The following LARP1B variants were observed in gnomAD, a reference collection of about 807,000 sequenced individuals.
LARP1B encodes the protein la-related protein 1B.
Under a neutral mutation model 114.2 loss-of-function variants are expected in LARP1B, and 76 were observed. The ratio of observed to expected loss-of-function variants is 0.67; its 90% CI spans 0.55 to 0.81. LARP1B has a LOEUF of 0.81. Ranked by LOEUF, LARP1B falls within the 30% of genes least tolerant of loss-of-function variation. LARP1B has a pLI of 0.00. For synonymous variants in LARP1B, 345 were observed against 348.0 expected (o/e 0.99, Z 0.10); for missense variants, 1,014 against 1,075.8 (o/e 0.94, Z 0.80).
Position 128,210,395 on chromosome 4 carries a change from C to G in LARP1B, c.*342C>G, listed in dbSNP as rs1474724687. 9.5e-7 allele frequency: 1 copy of G among 1,054,666 alleles called. No homozygotes were observed. Among genetic ancestry groups the G allele is most frequent in the African/African-American group, 2.0e-5 (1 of 50,408 alleles). 65.3% of individuals were successfully genotyped at this position (1,054,666 alleles called of 1,614,324 possible). A position where few individuals can be genotyped will look rare whatever the true frequency, so the allele number is the denominator to read the frequency against. Reference sequence around the variant, plus strand: ...GCATTCCTTAAATATATTTAAAAAACAATACAAGGAATGCCTAACATTTCA... The same window carrying G: ...GCATTCCTTAAATATATTTAAAAAAGAATACAAGGAATGCCTAACATTTCA... On this transcript the variant is annotated 3_prime_UTR_variant, in exon 20 of 20. Coordinates refer to ENST00000326639, the MANE Select transcript of LARP1B (RefSeq NM_018078.4).
chr4:128,113,974 T>G (rs762432862), intron 9 of LARP1B, among the ~76,000 whole-genome samples: 14 of 152,018 alleles, frequency 9.2e-5, no homozygotes, highest in Non-Finnish European at 2.1e-4. Context: ...TTAGTAGAGA[T>G]AGGGTTTCTC....
chr4:128,167,951 T>C (rs1033165573), intron 12 of LARP1B, among the ~76,000 whole-genome samples: 1 of 152,134 alleles, frequency 6.6e-6, no homozygotes, highest in Non-Finnish European at 1.5e-5. Context: ...TGCTTTTGTG[T>C]GTATTACCTT....
At chr4:128,064,103 C>G (rs1437166586) in intron 1 of LARP1B, among the ~76,000 whole-genome samples, 1 of 151,902 alleles carries the variant, frequency 6.6e-6, no homozygotes, top group African/African-American at 2.4e-5. Context: ...GAAACCCCGT[C>G]TCTACTAAAA....
chr4:128,146,686 C>T (rs1405223200), intron 11 of LARP1B, among the ~76,000 whole-genome samples: 1 of 152,084 alleles, frequency 6.6e-6, no homozygotes, highest in Non-Finnish European at 1.5e-5. Flanking sequence ...AGGATATTGG[C>T]AGTGTCCTAT....
intron 5 of LARP1B, among the ~76,000 whole-genome samples, chr4:128,087,096 T>G (rs1423304267): frequency 6.6e-6 from 1 of 152,028 alleles, no homozygotes; most frequent in Non-Finnish European, 1.5e-5. Flanking sequence ...ATTTTTGTGG[T>G]TTTAGTAGAG....
Position 128,179,467 on chromosome 4 carries a change from G to A in LARP1B, c.1958G>A (p.Trp653Ter). 1 of 1,610,544 alleles carries A rather than the reference G, an allele frequency of 6.2e-7. No homozygotes were observed. Among genetic ancestry groups the A allele is most frequent in the African/African-American group, 1.3e-5 (1 of 74,912 alleles). ...TNPPLECHVG[W>*]VMDSRDRGPG... ...CCCCCTCTAGAGTGTCATGTTGGTT[G>A]GGTAATGGATTCCAGAGACCGTGGG... The change falls in exon 15 of 20, where the codon TGG (tryptophan) becomes TAG (stop). Residue 653 changes from tryptophan (W) to a stop codon, truncating the protein, a stop_gained. Coordinates refer to ENST00000326639, the MANE Select transcript of LARP1B (RefSeq NM_018078.4). LOFTEE classifies it high-confidence loss of function.
chr4:128,138,260 A>G (rs1870687), intron 11 of LARP1B, among the ~76,000 whole-genome samples: 89,866 of 151,934 alleles, frequency 0.59, 27,714 homozygotes, highest in Middle Eastern at 0.8. Context: ...ATGGAATGCA[A>G]GAGGGGATAT....
chr4:128,066,513 T>G (rs1224341230), intron 1 of LARP1B, among the ~76,000 whole-genome samples: 2 of 149,790 alleles, frequency 1.3e-5, no homozygotes, highest in Non-Finnish European at 3.0e-5. Context: ...GTTTCATTCT[T>G]GTTGCCCAGG....
intron 12 of LARP1B, among the ~76,000 whole-genome samples, chr4:128,173,147 G>A (rs1452463082): frequency 6.6e-6 from 1 of 152,032 alleles, no homozygotes; most frequent in East Asian, 1.9e-4. Flanking sequence ...GTGAATCCAG[G>A]ATTTGGATTC....
intron 11 of LARP1B, among the ~76,000 whole-genome samples, chr4:128,126,113 CTTTTTTTTTTTTT>C (rs76050129): frequency 0.44 from 60,174 of 136,256 alleles, 12,851 homozygotes; most frequent in Middle Eastern, 0.51. Context: ...TTAAAATAAT[CTTTTTTTTTTTTT>C]TTTTTTTTTT....
intron 12 of LARP1B, among the ~76,000 whole-genome samples, chr4:128,171,608 A>T (rs1743781540): frequency 6.6e-6 from 1 of 152,012 alleles, no homozygotes; most frequent in South Asian, 2.1e-4. Context: ...CTGTTCCTCT[A>T]TTTGTGATGT....
chr4:128,071,334 C>T (rs148722505), intron 1 of LARP1B, among the ~76,000 whole-genome samples: 2,540 of 152,086 alleles, frequency 0.017, 30 homozygotes, highest in Non-Finnish European at 0.027. Context: ...CGTGAGCCAC[C>T]GCACTGGCCT....
intron 1 of LARP1B, among the ~76,000 whole-genome samples, chr4:128,072,747 G>A (rs1336569778): frequency 1.3e-5 from 2 of 151,914 alleles, no homozygotes; most frequent in Non-Finnish European, 2.9e-5. Flanking sequence ...AGTAGAGATG[G>A]GGTTTCGTCA....
At chr4:128,074,593 T>A in intron 2 of LARP1B, 75 bp downstream of exon 2, 1 of 310,216 alleles carries the variant, frequency 3.2e-6, no homozygotes, top group Non-Finnish European at 4.9e-6. Flanking sequence ...TAGGTTATTA[T>A]AAGTGTATTT....
chr4:128,064,352 A>C (rs1761613943), intron 1 of LARP1B, among the ~76,000 whole-genome samples: 1 of 151,856 alleles, frequency 6.6e-6, no homozygotes, highest in Admixed American at 6.6e-5. Context: ...GGAACTCTCC[A>C]AAGAGGGAGA....
chr4:128,163,156 A>G (rs1444855433), intron 12 of LARP1B, among the ~76,000 whole-genome samples: 1 of 151,968 alleles, frequency 6.6e-6, no homozygotes, highest in Non-Finnish European at 1.5e-5. Context: ...TTTAGTCTAC[A>G]GGTTTCTACT....
At chr4:128,149,587 T>C (rs1429839949) in intron 11 of LARP1B, among the ~76,000 whole-genome samples, 2 of 152,150 alleles carry the variant, frequency 1.3e-5, no homozygotes, top group Non-Finnish European at 2.9e-5. Context: ...GTGAAAGAAG[T>C]AGGGACATTA....
intron 10 of LARP1B, among the ~76,000 whole-genome samples, chr4:128,120,977 A>C (rs541186605): frequency 6.7e-6 from 1 of 149,270 alleles, no homozygotes; most frequent in East Asian, 2.0e-4. Context: ...CGCCTGGCTA[A>C]TTTTTGTATT....
rs560615362 is a variant in LARP1B at position 128,109,397 on chromosome 4, T to G, written c.988+2084T>G. 1.7e-4 allele frequency among the ~76,000 whole-genome samples: 26 copies of G among 152,302 alleles called. No individual in the cohort carries two copies. The East Asian group carries it at 3.7e-3, about 21-fold the overall frequency. On this transcript the variant is annotated intron_variant, in intron 9 of 19. Coordinates refer to ENST00000326639, the MANE Select transcript of LARP1B (RefSeq NM_018078.4). Reference sequence around the variant, plus strand: ...GTAAAATATTCTAACATAATTGGTCTTCTTCATCAAAGAGATTAAAATTTC... The same window carrying G: ...GTAAAATATTCTAACATAATTGGTCGTCTTCATCAAAGAGATTAAAATTTC...
Sources: gnomAD v4.1 joint callset for allele counts (sites outside exome capture counted in the v4.1 genomes callset) on GRCh38, gnomAD v4.1.1 for gene constraint, MANE v1.5 for transcripts, NCBI Gene and HGNC (gene_info 2026-07-23, HGNC 2026-07-21) for gene names.